The following LOC128462377 variants were observed in gnomAD, a reference collection of about 807,000 sequenced individuals.
chr16:89,385,106 G>C, the LOC128462377 span, among the ~76,000 whole-genome samples: 6 of 151,868 alleles, frequency 4.0e-5, no homozygotes, highest in African/African-American at 9.7e-5. Flanking sequence ...GGCTGGTCTT[G>C]AACTCTTGAC....
the LOC128462377 span, among the ~76,000 whole-genome samples, chr16:89,346,973 T>G: frequency 6.6e-6 from 1 of 151,864 alleles, no homozygotes; most frequent in Non-Finnish European, 1.5e-5. Context: ...CTAGACAAAA[T>G]AGGAAGGCGC....
the LOC128462377 span, among the ~76,000 whole-genome samples, chr16:89,338,528 A>G: frequency 6.6e-6 from 1 of 151,922 alleles, no homozygotes; most frequent in Non-Finnish European, 1.5e-5. Context: ...CAGGAGTTCA[A>G]GACCAGCCTG....
the LOC128462377 span, among the ~76,000 whole-genome samples, chr16:89,333,488 C>A: frequency 1.3e-5 from 2 of 152,240 alleles, no homozygotes; most frequent in South Asian, 2.1e-4. Context: ...AGTTTCACTG[C>A]CCCAGGTCCC....
the LOC128462377 span, among the ~76,000 whole-genome samples, chr16:89,362,922 C>A: frequency 1.3e-5 from 2 of 151,948 alleles, no homozygotes; most frequent in Admixed American, 1.3e-4. Context: ...TGTGAGGTCC[C>A]GTTCCAGCCA....
At chr16:89,364,749 T>G in the LOC128462377 span, among the ~76,000 whole-genome samples, 3 of 152,190 alleles carry the variant, frequency 2.0e-5, no homozygotes, top group African/African-American at 7.2e-5. Context: ...TTGCCCTATC[T>G]CACACTGTTC....
At chr16:89,318,260 G>C in the LOC128462377 span, among the ~76,000 whole-genome samples, 1 of 152,206 alleles carries the variant, frequency 6.6e-6, no homozygotes, top group Non-Finnish European at 1.5e-5. Context: ...CTCCCTGCCT[G>C]TGGGCCTTCT....
chr16:89,364,804 C>T, the LOC128462377 span, among the ~76,000 whole-genome samples: 2 of 152,210 alleles, frequency 1.3e-5, no homozygotes, highest in African/African-American at 2.4e-5. Context: ...AATCTCATCT[C>T]GGCTCCAAGT....
At chr16:89,387,692 G>GAAAAAAAAAAAAAAAAAA in the LOC128462377 span, among the ~76,000 whole-genome samples, 1 of 67,496 alleles carries the variant, frequency 1.5e-5, no homozygotes, top group Non-Finnish European at 3.1e-5. Flanking sequence ...AAAAGAAAAA[G>GAAAAAAAAAAAAAAAAAA]AAAAAAAAAA....
the LOC128462377 span, among the ~76,000 whole-genome samples, chr16:89,412,781 C>T: frequency 3.7e-3 from 566 of 152,230 alleles, 1 homozygote; most frequent in African/African-American, 0.013. Context: ...CCATGAGAAT[C>T]ACTGTAGTTA....
chr16:89,410,060 C>T, the LOC128462377 span, among the ~76,000 whole-genome samples: 3 of 152,094 alleles, frequency 2.0e-5, no homozygotes, highest in African/African-American at 7.2e-5. Context: ...AGGATGGTCT[C>T]GATCTCCTGA....
chr16:89,337,456 T>TTTTTTTTTTTTTTG, the LOC128462377 span, among the ~76,000 whole-genome samples: 1 of 142,010 alleles, frequency 7.0e-6, no homozygotes, highest in East Asian at 2.1e-4. Flanking sequence ...TTTTTTTTTT[T>TTTTTTTTTTTTTTG]GAGACAGTCT....
the LOC128462377 span, among the ~76,000 whole-genome samples, chr16:89,359,897 T>G: frequency 2.0e-5 from 3 of 152,170 alleles, no homozygotes; most frequent in Non-Finnish European, 4.4e-5. Context: ...ATAGTTTATA[T>G]GTTTTTTAAC....
chr16:89,367,472 C>T, the LOC128462377 span, among the ~76,000 whole-genome samples: 1 of 152,206 alleles, frequency 6.6e-6, no homozygotes, highest in Non-Finnish European at 1.5e-5. Context: ...GAGCGACGCT[C>T]TCAAACAACC....
the LOC128462377 span, chr16:89,324,834 C>G: frequency 3.5e-6 from 1 of 286,134 alleles, no homozygotes; most frequent in South Asian, 3.1e-5. Flanking sequence ...CTTCCTGGCT[C>G]CTCAGCTTGC....
chr16:89,375,403 A>G, the LOC128462377 span, among the ~76,000 whole-genome samples: 2 of 152,082 alleles, frequency 1.3e-5, no homozygotes, highest in African/African-American at 4.8e-5. Flanking sequence ...GCAGGGCACT[A>G]TGGTCATGCC....
the LOC128462377 span, among the ~76,000 whole-genome samples, chr16:89,352,018 C>T: frequency 6.6e-6 from 1 of 152,140 alleles, no homozygotes; most frequent in African/African-American, 2.4e-5. Flanking sequence ...TCAAGCAATT[C>T]TCACGCCTCC....
At chr16:89,348,095 C>T in the LOC128462377 span, among the ~76,000 whole-genome samples, 2 of 152,006 alleles carry the variant, frequency 1.3e-5, no homozygotes, top group Admixed American at 6.6e-5. Flanking sequence ...CCCTGCCCAG[C>T]TCATTTTTGT....
chr16:89,384,479 G>GAATGGGACGAGATGGA, the LOC128462377 span, among the ~76,000 whole-genome samples: 1,440 of 152,040 alleles, frequency 9.5e-3, 21 homozygotes, highest in African/African-American at 0.033. Flanking sequence ...GACAAGATGG[G>GAATGGGACGAGATGGA]AATGGGACGA....
chr16:89,324,178 G>A, the LOC128462377 span: 12 of 1,143,852 alleles, frequency 1.0e-5, no homozygotes, highest in Middle Eastern at 2.8e-4. Flanking sequence ...TTATCACGGC[G>A]GGGGGTGGCA....
Sources: allele counts gnomAD v4.1 joint callset (sites outside exome capture counted in the v4.1 genomes callset), GRCh38; gene constraint gnomAD v4.1.1; transcripts MANE v1.5.